NELL2: variants seen among roughly 807,000 people sequenced by gnomAD.
The protein encoded by NELL2 is neural EGFL like 2, also known as protein kinase C-binding protein NELL2.
Under a neutral mutation model 109.6 loss-of-function variants are expected in NELL2, and 41 were observed. The ratio of observed to expected loss-of-function variants is 0.37; its 90% CI spans 0.29 to 0.49. The LOEUF (loss-of-function observed/expected upper bound fraction) is 0.49. Ranked by LOEUF, NELL2 falls within the 20% of genes least tolerant of loss-of-function variation. The pLI is 0.98. For missense variants in NELL2, 900 were observed against 1,008.3 expected (o/e 0.89, Z 1.45); for synonymous variants, 355 against 344.7 (o/e 1.03, Z -0.33).
chr12:44,611,080 A>G, intron 13 of NELL2, 110 bp from the exon 14 acceptor site: 3 of 1,014,536 alleles, frequency 3.0e-6, no homozygotes, highest in Non-Finnish European at 4.4e-6. Flanking sequence ...AACCACAGAC[A>G]TAACAAATTA....
chr12:44,526,918 C>T (rs1468971903), intron 16 of NELL2, among the ~76,000 whole-genome samples: 1 of 152,114 alleles, frequency 6.6e-6, no homozygotes, highest in Non-Finnish European at 1.5e-5. Flanking sequence ...TCATCACCTC[C>T]TTTCTCAAAA....
chr12:44,519,454 T>G (rs146180851), intron 19 of NELL2, among the ~76,000 whole-genome samples: 7 of 152,336 alleles, frequency 4.6e-5, no homozygotes, highest in African/African-American at 1.7e-4. Flanking sequence ...AGCTTTGTAA[T>G]GGTTTTTCTC....
intron 12 of NELL2, among the ~76,000 whole-genome samples, chr12:44,701,546 T>C (rs1840582730): frequency 6.6e-6 from 1 of 152,042 alleles, no homozygotes; most frequent in African/African-American, 2.4e-5. Context: ...CTGGCCCCTT[T>C]CCTTAACTTC....
At chr12:44,605,196 T>C (rs1385122796) in intron 15 of NELL2, among the ~76,000 whole-genome samples, 1 of 152,104 alleles carries the variant, frequency 6.6e-6, no homozygotes, top group Non-Finnish European at 1.5e-5. Flanking sequence ...GGGAGCAGAA[T>C]GACCTTTGTA....
intron 15 of NELL2, among the ~76,000 whole-genome samples, chr12:44,572,585 G>A (rs748719111): frequency 7.2e-5 from 11 of 151,870 alleles, no homozygotes; most frequent in Admixed American, 3.3e-4. Context: ...ATATTTTCTG[G>A]ACAACAGTGT....
Position 44,755,519 on chromosome 12 carries a change from C to T in NELL2, c.994+19228G>A, listed in dbSNP as rs919150904. 4.0e-5 allele frequency among the ~76,000 whole-genome samples: 6 copies of T among 151,516 alleles called. No homozygotes were observed. In the South Asian group the frequency reaches 1.2e-3, roughly 32 times the overall value. ...TGATTGACCTATCCTGCACCCTGGC[C>T]TTTTTACTCCTTGGCTCTCCCCTCA... On this transcript the variant is annotated intron_variant, in intron 9 of 19. Transcript: ENST00000429094.
At chr12:44,601,335 A>C (rs982716942) in intron 15 of NELL2, among the ~76,000 whole-genome samples, 4 of 152,138 alleles carry the variant, frequency 2.6e-5, no homozygotes, top group African/African-American at 9.7e-5. Flanking sequence ...AATGACTTTG[A>C]GATTTAACAC....
At chr12:44,755,440 GTCTC>G (rs968613310) in intron 9 of NELL2, among the ~76,000 whole-genome samples, 7 of 151,752 alleles carry the variant, frequency 4.6e-5, no homozygotes, top group Non-Finnish European at 8.8e-5. Flanking sequence ...TCTGGTCACA[GTCTC>G]TCTCTCTGTC....
chr12:44,829,085 G>A (rs1460713222), intron 2 of NELL2, among the ~76,000 whole-genome samples: 1 of 152,070 alleles, frequency 6.6e-6, no homozygotes, highest in African/African-American at 2.4e-5. Context: ...AAACTGAGTA[G>A]GTAAACCAGT....
intron 15 of NELL2, among the ~76,000 whole-genome samples, chr12:44,597,205 C>T (rs1945000004): frequency 6.6e-6 from 1 of 152,106 alleles, no homozygotes; most frequent in Non-Finnish European, 1.5e-5. Flanking sequence ...ATCCCAAATC[C>T]ACACACTAGT....
At chr12:44,921,054 T>A (rs1945864686) in intron 1 of NELL2, among the ~76,000 whole-genome samples, 1 of 152,150 alleles carries the variant, frequency 6.6e-6, no homozygotes, top group South Asian at 2.1e-4. Context: ...ACTTTTATAG[T>A]TAGCTGGTAG....
intron 9 of NELL2, among the ~76,000 whole-genome samples, chr12:44,742,844 C>T (rs772168294): frequency 2.6e-5 from 4 of 152,096 alleles, no homozygotes; most frequent in South Asian, 2.1e-4. Context: ...CTGAAAGTGA[C>T]GGGGAGAATG....
At chr12:44,838,599 C>T (rs76564780) in intron 2 of NELL2, among the ~76,000 whole-genome samples, 2,343 of 151,940 alleles carry the variant, frequency 0.015, 31 homozygotes, top group Non-Finnish European at 0.025. Context: ...TAGAACAGTG[C>T]TTGAAACATA....
intron 3 of NELL2, among the ~76,000 whole-genome samples, chr12:44,780,438 C>G (rs965069625): frequency 6.6e-6 from 1 of 151,850 alleles, no homozygotes; most frequent in African/African-American, 2.4e-5. Context: ...AAAAAACTGG[C>G]CCCATCCCAA....
At chr12:44,692,221 C>A (rs1039587825) in intron 12 of NELL2, among the ~76,000 whole-genome samples, 1 of 152,096 alleles carries the variant, frequency 6.6e-6, no homozygotes, top group African/African-American at 2.4e-5. Context: ...AACCCTAGGG[C>A]CCTTAAGAAT....
At chr12:44,785,328 T>C (rs1173853450) in intron 3 of NELL2, among the ~76,000 whole-genome samples, 1 of 152,110 alleles carries the variant, frequency 6.6e-6, no homozygotes, top group Non-Finnish European at 1.5e-5. Flanking sequence ...TTACAAGGGA[T>C]GCGAAGGACC....
At chr12:44,776,720 C>G (rs1566368597) in intron 7 of NELL2, among the ~76,000 whole-genome samples, 1 of 152,170 alleles carries the variant, frequency 6.6e-6, no homozygotes, top group Non-Finnish European at 1.5e-5. Flanking sequence ...ATTCTTTACA[C>G]TGTCCTACTG....
At chr12:44,823,371 A>T (rs1678118889) in intron 2 of NELL2, among the ~76,000 whole-genome samples, 2 of 152,078 alleles carry the variant, frequency 1.3e-5, no homozygotes, top group Admixed American at 1.3e-4. Context: ...GAAACTTTGT[A>T]CTCTTTCACT....
chr12:44,783,466 T>C (rs985863805), intron 3 of NELL2, among the ~76,000 whole-genome samples: 13 of 151,610 alleles, frequency 8.6e-5, no homozygotes, highest in African/African-American at 3.1e-4. Context: ...ATTAATGAAC[T>C]AACGAAGAAA....
Sources: gnomAD v4.1 joint callset for allele counts (sites outside exome capture counted in the v4.1 genomes callset) on GRCh38, gnomAD v4.1.1 for gene constraint, MANE v1.5 for transcripts, NCBI Gene and HGNC (gene_info 2026-07-23, HGNC 2026-07-21) for gene names.